Variants in ARHGAP20 observed in about 807,000 individuals in gnomAD.
ARHGAP20 encodes Rho GTPase activating protein 20, also known as rho GTPase-activating protein 20.
A neutral mutation model predicts 73.7 loss-of-function variants in ARHGAP20; 34 were observed. The observed-to-expected ratio is 0.46, with a 90% confidence interval of 0.35 to 0.61. The LOEUF is 0.61. Ranked by LOEUF, ARHGAP20 falls within the 20% of genes least tolerant of loss-of-function variation. The pLI, the probability that ARHGAP20 is intolerant of heterozygous loss-of-function variation, is 0.00. For missense variants in ARHGAP20, 1,314 were observed against 1,420.9 expected, an observed-to-expected ratio of 0.92 and a Z score of 1.21; for synonymous variants, 523 against 518.2, an observed-to-expected ratio of 1.01 and a Z score of -0.13.
At chr11:110,586,130 CTT>C (rs1947658096) in intron 12 of ARHGAP20, 84 bp downstream of exon 12, 1 of 679,092 alleles carries the variant, frequency 1.5e-6, no homozygotes, top group African/African-American at 1.9e-5. Flanking sequence ...ATGGATATGA[CTT>C]TGATAGCTGT....
intron 5 of ARHGAP20, 67 bp from the exon 6 acceptor site, chr11:110,614,712 A>T: frequency 2.8e-6 from 3 of 1,060,292 alleles, no homozygotes; most frequent in Admixed American, 4.9e-5. Flanking sequence ...GGCTTATTTT[A>T]AAAATCAATT....
At chr11:110,678,340 T>C (rs1480891353) in intron 2 of ARHGAP20, among the ~76,000 whole-genome samples, 1 of 152,194 alleles carries the variant, frequency 6.6e-6, no homozygotes, top group Non-Finnish European at 1.5e-5. Flanking sequence ...AGTGTACACT[T>C]TTAACTGGTG....
At chr11:110,674,444 C>T (rs375236904) in intron 2 of ARHGAP20, among the ~76,000 whole-genome samples, 7 of 152,088 alleles carry the variant, frequency 4.6e-5, no homozygotes, top group African/African-American at 7.2e-5. Flanking sequence ...AGCGCCTACA[C>T]GATGGCATAA....
chr11:110,662,686 G>A (rs565345238), intron 2 of ARHGAP20, among the ~76,000 whole-genome samples: 2 of 152,016 alleles, frequency 1.3e-5, no homozygotes, highest in East Asian at 3.9e-4. Context: ...ATTAGACTAG[G>A]TTTAATTTAA....
At chr11:110,582,599 C>T (rs1947503054) in intron 13 of ARHGAP20, among the ~76,000 whole-genome samples, 164 bp from the exon 14 acceptor site, 1 of 152,160 alleles carries the variant, frequency 6.6e-6, no homozygotes, top group East Asian at 1.9e-4. Flanking sequence ...AACTATGATA[C>T]TTTTAAAAGT....
chr11:110,592,754 T>G (rs1319786818), intron 9 of ARHGAP20, among the ~76,000 whole-genome samples: 1 of 152,192 alleles, frequency 6.6e-6, no homozygotes, highest in Non-Finnish European at 1.5e-5. Context: ...AAGAATCCTT[T>G]AGTATCTGAC....
chr11:110,582,199 C>T (rs1407451644), intron 14 of ARHGAP20, 122 bp downstream of exon 14: 1 of 807,374 alleles, frequency 1.2e-6, no homozygotes, highest in East Asian at 2.5e-5. Context: ...GCCCCATTGA[C>T]CTGGATCAGA....
At chr11:110,706,638 G>A (rs1243246727) in intron 1 of ARHGAP20, among the ~76,000 whole-genome samples, 1 of 152,008 alleles carries the variant, frequency 6.6e-6, no homozygotes, top group Admixed American at 6.6e-5. Context: ...CTGCACTTTT[G>A]CAAAGTGTTT....
intron 7 of ARHGAP20, 59 bp from the exon 8 acceptor site, chr11:110,609,109 G>C: frequency 6.6e-7 from 1 of 1,523,068 alleles, no homozygotes; most frequent in Non-Finnish European, 9.0e-7. Context: ...ACTTGAATGA[G>C]GACACATTTT....
At chr11:110,702,236 C>G (rs1024602972) in intron 1 of ARHGAP20, among the ~76,000 whole-genome samples, 3 of 152,044 alleles carry the variant, frequency 2.0e-5, no homozygotes, top group Non-Finnish European at 4.4e-5. Flanking sequence ...TCAATATACG[C>G]AAATCAATAA....
At position 110,577,060 on chromosome 11, in the gene ARHGAP20, A is replaced by T. The variant is rs1947300030; in HGVS notation, c.*2310T>A. 2.1e-6 allele frequency: 3 copies of T among 1,451,640 alleles called. No individual in the cohort carries two copies. The East Asian group carries it at 7.5e-5, about 36-fold the overall frequency. The allele number at this position is 1,451,640 out of a possible 1,614,324, so 89.9% of individuals were successfully genotyped here. ...TCTGGTGGGATGGTTAATTCTGCAGAATGGCATTTTATTTAACAGACAGCA... is the reference window on the plus strand; with the variant it reads ...TCTGGTGGGATGGTTAATTCTGCAGTATGGCATTTTATTTAACAGACAGCA... On this transcript the variant is annotated 3_prime_UTR_variant, in exon 15 of 15. Transcript: ENST00000683387.
chr11:110,691,933 A>G (rs1333141760), intron 1 of ARHGAP20, among the ~76,000 whole-genome samples: 1 of 152,196 alleles, frequency 6.6e-6, no homozygotes. Context: ...ATTGGGAGTT[A>G]TTAACCACAA....
intron 11 of ARHGAP20, among the ~76,000 whole-genome samples, chr11:110,587,535 G>T (rs114822031): frequency 0.011 from 1,614 of 152,248 alleles, 26 homozygotes; most frequent in African/African-American, 0.035. Context: ...TGATTATGTG[G>T]GCATCTTCCC....
intron 1 of ARHGAP20, among the ~76,000 whole-genome samples, chr11:110,692,324 C>T (rs1361263648): frequency 6.6e-6 from 1 of 152,164 alleles, no homozygotes; most frequent in East Asian, 1.9e-4. Context: ...GCAGTTTGTT[C>T]ATATCCATCA....
chr11:110,702,734 C>T lies in ARHGAP20; in HGVS notation c.105+9393G>A, dbSNP rs1055859112. On this transcript the variant is annotated intron_variant, in intron 1 of 14. Transcript: ENST00000683387. ...TGAAAATCACAAGCATTCCTATATA[C>T]CAATAACAGACAAATAGAGAGCCAA... Among the ~76,000 whole-genome samples the T allele has an allele frequency of 6.6e-5, 10 of 152,098 alleles. 1 individual carries two copies. The South Asian group carries it at 2.1e-3, about 32-fold the overall frequency.
chr11:110,702,815 T>C (rs1950480709), intron 1 of ARHGAP20, among the ~76,000 whole-genome samples: 1 of 152,096 alleles, frequency 6.6e-6, no homozygotes. Flanking sequence ...TACCTAGGAA[T>C]CCAACTTATG....
chr11:110,698,242 A>G (rs79876387), intron 1 of ARHGAP20, among the ~76,000 whole-genome samples: 3,835 of 151,872 alleles, frequency 0.025, 153 homozygotes, highest in African/African-American at 0.081. Context: ...GTGGATGTTG[A>G]ACCATCATTG....
chr11:110,712,071 G>C (rs1044466394), intron 1 of ARHGAP20, 56 bp downstream of exon 1: 17 of 1,252,128 alleles, frequency 1.4e-5, no homozygotes, highest in South Asian at 7.2e-5. Flanking sequence ...GAGGGCGCGC[G>C]CCGGCAGTGG....
intron 1 of ARHGAP20, among the ~76,000 whole-genome samples, chr11:110,701,781 A>T (rs1950458243): frequency 6.6e-6 from 1 of 152,018 alleles, no homozygotes; most frequent in Non-Finnish European, 1.5e-5. Context: ...GAAGAGATCC[A>T]GTTTCAGCTT....
Sources: gnomAD v4.1 joint callset for allele counts (sites outside exome capture counted in the v4.1 genomes callset) on GRCh38, gnomAD v4.1.1 for gene constraint, MANE v1.5 for transcripts, NCBI Gene and HGNC (gene_info 2026-07-23, HGNC 2026-07-21) for gene names.